CNTNAP4: variants seen among roughly 807,000 people sequenced by gnomAD.
CNTNAP4 encodes contactin associated protein family member 4, also known as contactin-associated protein-like 4.
In CNTNAP4, 98 loss-of-function variants were observed where a neutral mutation model predicts 148.4. The observed-to-expected ratio is 0.66, with a 90% CI of 0.56 to 0.78. The LOEUF is 0.78. Ranked by LOEUF, CNTNAP4 falls within the 30% of genes least tolerant of loss-of-function variation. The pLI is 0.00. For missense variants in CNTNAP4, 1,935 were observed against 1,565.6 expected, an observed-to-expected ratio of 1.24 and a Z score of -3.98; for synonymous variants, 730 against 565.1, an observed-to-expected ratio of 1.29 and a Z score of -4.14.
chr16:76,304,272 C>A (rs941264116), intron 1 of CNTNAP4, among the ~76,000 whole-genome samples: 1 of 152,126 alleles, frequency 6.6e-6, no homozygotes, highest in Non-Finnish European at 1.5e-5. Context: ...AAGAGCTACA[C>A]TTGTAATCAC....
intron 3 of CNTNAP4, among the ~76,000 whole-genome samples, chr16:76,385,083 A>G (rs1056503659): frequency 3.9e-5 from 6 of 152,248 alleles, no homozygotes; most frequent in African/African-American, 1.4e-4. Context: ...AGTATGAAAC[A>G]GTTTACATGA....
intron 23 of CNTNAP4, chr16:76,557,494 G>A (rs933164037): frequency 6.6e-6 from 1 of 152,164 alleles, no homozygotes; most frequent in Non-Finnish European, 1.5e-5. Flanking sequence ...CACACAAAAT[G>A]TTAGAAAGTC....
intron 4 of CNTNAP4, among the ~76,000 whole-genome samples, chr16:76,435,933 T>G (rs2079807880): frequency 6.6e-6 from 1 of 152,112 alleles, no homozygotes; most frequent in African/African-American, 2.4e-5. Flanking sequence ...TTAATATCCA[T>G]TCCCATCCCT....
chr16:76,468,321 A>C (rs2081249420), intron 10 of CNTNAP4, among the ~76,000 whole-genome samples: 4 of 151,936 alleles, frequency 2.6e-5, no homozygotes, highest in Admixed American at 2.6e-4. Flanking sequence ...TAAAAATACA[A>C]AAATTAGCTG....
chr16:76,317,169 A>T (rs1961847699), intron 2 of CNTNAP4, among the ~76,000 whole-genome samples: 1 of 150,866 alleles, frequency 6.6e-6, no homozygotes, highest in African/African-American at 2.4e-5. Flanking sequence ...AAGCAGGAGT[A>T]TCACTGAACT....
At chr16:76,375,535 G>T (rs575310866) in intron 3 of CNTNAP4, among the ~76,000 whole-genome samples, 2 of 152,160 alleles carry the variant, frequency 1.3e-5, no homozygotes, top group African/African-American at 4.8e-5. Flanking sequence ...GACTTTTCAC[G>T]TTCTAGCACA....
intron 3 of CNTNAP4, among the ~76,000 whole-genome samples, chr16:76,417,544 A>G (rs1489308262): frequency 6.6e-6 from 1 of 151,650 alleles, no homozygotes; most frequent in Non-Finnish European, 1.5e-5. Context: ...TTAATTTGCA[A>G]TAAAAATTAA....
chr16:76,461,812 C>T, intron 8 of CNTNAP4, 144 bp from the exon 9 acceptor site: 1 of 622,406 alleles, frequency 1.6e-6, no homozygotes, highest in Middle Eastern at 4.7e-4. Flanking sequence ...ATTTGTCTCC[C>T]TTTCCTTGTT....
At chr16:76,493,316 G>T (rs569818182) in intron 13 of CNTNAP4, among the ~76,000 whole-genome samples, 1 of 152,244 alleles carries the variant, frequency 6.6e-6, no homozygotes, top group East Asian at 1.9e-4. Context: ...CTGCTGCTGA[G>T]GATCTGTGAC....
chr16:76,448,393 C>T (rs112017613), intron 5 of CNTNAP4, among the ~76,000 whole-genome samples, 178 bp downstream of exon 5: 4,978 of 20,984 alleles, frequency 0.24, 108 homozygotes, highest in Middle Eastern at 0.27. Flanking sequence ...GCAAATTGCA[C>T]AAAATCTTCA....
intron 3 of CNTNAP4, among the ~76,000 whole-genome samples, chr16:76,360,488 T>C (rs1409050161): frequency 1.3e-5 from 2 of 152,178 alleles, no homozygotes; most frequent in Non-Finnish European, 2.9e-5. Flanking sequence ...TTTCCTTCCT[T>C]ATGTTGAGCC....
At chr16:76,446,596 C>T (rs1303362097) in intron 4 of CNTNAP4, among the ~76,000 whole-genome samples, 1 of 151,994 alleles carries the variant, frequency 6.6e-6, no homozygotes, top group Admixed American at 6.6e-5. Flanking sequence ...TTGAAAAAAA[C>T]ATGTCAATGT....
Position 76,412,614 on chromosome 16 carries a change from G to A in CNTNAP4, c.391-14838G>A, listed in dbSNP as rs150999967. ...TCACACTTTGGTTCTAATTGGCATTGTCCAATGTCTAATAAGATTAGCAAA... is the reference window on the plus strand; with the variant it reads ...TCACACTTTGGTTCTAATTGGCATTATCCAATGTCTAATAAGATTAGCAAA... On this transcript the variant is annotated intron_variant, in intron 3 of 23. Coordinates refer to ENST00000611870, the MANE Select transcript of CNTNAP4 (RefSeq NM_033401.5). Among the ~76,000 whole-genome samples the A allele has an allele frequency of 1.1e-3, 168 of 151,430 alleles. 1 individual carries two copies. In the East Asian group the frequency reaches 0.02, roughly 18 times the overall value.
intron 3 of CNTNAP4, among the ~76,000 whole-genome samples, chr16:76,386,797 C>T (rs1261646687): frequency 6.6e-6 from 1 of 152,054 alleles, no homozygotes; most frequent in Non-Finnish European, 1.5e-5. Flanking sequence ...ATCAGATGAT[C>T]ATAGTAAGAT....
chr16:76,531,205 C>T (rs558699033), intron 17 of CNTNAP4, among the ~76,000 whole-genome samples: 1 of 152,270 alleles, frequency 6.6e-6, no homozygotes, highest in African/African-American at 2.4e-5. Context: ...AAGCACAGCA[C>T]ATGAATAATT....
At chr16:76,317,719 G>GTGTGTGTGTT (rs1210688972) in intron 2 of CNTNAP4, among the ~76,000 whole-genome samples, 1 of 150,602 alleles carries the variant, frequency 6.6e-6, no homozygotes. Flanking sequence ...GTGTGTGTGT[G>GTGTGTGTGTT]TGTGTGTATG....
intron 3 of CNTNAP4, among the ~76,000 whole-genome samples, chr16:76,397,950 AT>A (rs2078265604): frequency 1.3e-3 from 5 of 3,922 alleles, no homozygotes; most frequent in Non-Finnish European, 2.6e-3. Context: ...ATATACATAT[AT>A]ATATATATAT....
chr16:76,451,636 T>TGTGTGTGTGTGTGTGTGTGTG (rs1555561325), intron 7 of CNTNAP4, among the ~76,000 whole-genome samples: 3 of 151,648 alleles, frequency 2.0e-5, no homozygotes, highest in African/African-American at 7.3e-5. Flanking sequence ...TGTGTGTGTA[T>TGTGTGTGTGTGTGTGTGTGTG]TTTATCCATA....
chr16:76,525,553 AG>A (rs1400745966), intron 17 of CNTNAP4, among the ~76,000 whole-genome samples: 2 of 147,264 alleles, frequency 1.4e-5, no homozygotes, highest in African/African-American at 4.9e-5. Context: ...GACAAGAGAC[AG>A]CCAATAAAAA....
Sources: allele counts gnomAD v4.1 joint callset (sites outside exome capture counted in the v4.1 genomes callset), GRCh38; gene constraint gnomAD v4.1.1; transcripts MANE v1.5; gene names NCBI Gene and HGNC (gene_info 2026-07-23, HGNC 2026-07-21).